ZNF823: variants seen among roughly 807,000 people sequenced by gnomAD.
ZNF823 encodes zinc finger protein 823.
ZNF823 carries 5 observed loss-of-function variants against 11.4 expected under a neutral mutation model. The ratio of observed to expected loss-of-function variants is 0.44; its 90% CI spans 0.23 to 0.92. ZNF823 has a LOEUF of 0.92. ZNF823 is among the 40% of genes least tolerant of loss of function. The probability of loss-of-function intolerance (pLI) is 0.24; values close to 1 mark genes in which losing one functional copy is unlikely to be tolerated. For missense variants in ZNF823, 582 were observed against 738.5 expected (o/e 0.79, Z 2.46); for synonymous variants, 234 against 250.5 (o/e 0.93, Z 0.62).
At chr19:11,728,921 C>T (rs1482485596) in intron 1 of ZNF823, among the ~76,000 whole-genome samples, 1 of 152,030 alleles carries the variant, frequency 6.6e-6, no homozygotes, top group Non-Finnish European at 1.5e-5. Context: ...GCCTGTAATC[C>T]CAGCATTTTG....
In ZNF823 at chr19:11,722,450, A is replaced by C. The variant is rs767571818; in HGVS notation, c.1084T>G (p.Cys362Gly). The C allele has an allele frequency of 6.2e-6, 10 of 1,614,200 alleles. No individual in the cohort carries two copies. Among genetic ancestry groups the C allele is most frequent in the Non-Finnish European group, 5.9e-6 (7 of 1,180,036 alleles). Residue 362 changes from cysteine to glycine, a missense_variant, in exon 4 of 4, where the codon TGT (cysteine) becomes GGT (glycine). Around this residue, in one of 3 missense-constraint regions of ZNF823, gnomAD observed 429 missense variants for 553.7 expected, o/e 0.77. Transcript: ENST00000341191. The surrounding 1 kb of genome is among the most constrained non-coding windows in gnomAD (Gnocchi z 5.2). Reference protein sequence around the residue: ...TTHTGEKPYECKQCGKVLSHS... With the variant: ...TTHTGEKPYEGKQCGKVLSHS... Reference sequence around the variant, plus strand: ...GATAACACTTTCCCACACTGCTTACATTCATAGGGTTTCTCTCCAGTGTGA... The same window carrying C: ...GATAACACTTTCCCACACTGCTTACCTTCATAGGGTTTCTCTCCAGTGTGA...
intron 1 of ZNF823, among the ~76,000 whole-genome samples, chr19:11,725,675 T>G (rs1360960666): frequency 6.6e-6 from 1 of 152,160 alleles, no homozygotes; most frequent in Non-Finnish European, 1.5e-5. Context: ...GAGTTACCAC[T>G]CCCAGTCCTG....
chr19:11,727,665 A>G (rs1974816237), intron 1 of ZNF823, among the ~76,000 whole-genome samples: 1 of 152,216 alleles, frequency 6.6e-6, no homozygotes. Flanking sequence ...ATAAACAAAC[A>G]GAAAAAGGAA....
chr19:11,732,630 T>C (rs1041056375), intron 1 of ZNF823, among the ~76,000 whole-genome samples: 10 of 151,218 alleles, frequency 6.6e-5, no homozygotes, highest in Non-Finnish European at 1.5e-4. Flanking sequence ...AGACGGGGTT[T>C]CACGGTGTTA....
At chr19:11,729,466 A>C (rs1201489431) in intron 1 of ZNF823, among the ~76,000 whole-genome samples, 1 of 152,216 alleles carries the variant, frequency 6.6e-6, no homozygotes, top group Non-Finnish European at 1.5e-5. Flanking sequence ...CAAAATACAT[A>C]AGGCAAAACT....
intron 1 of ZNF823, among the ~76,000 whole-genome samples, chr19:11,727,925 T>C (rs564177829): frequency 4.7e-4 from 70 of 147,564 alleles, no homozygotes; most frequent in African/African-American, 1.7e-3. Context: ...TCTCGCTCTG[T>C]AGCCCAGGCT....
chr19:11,727,307 G>A (rs1304883575), intron 1 of ZNF823, among the ~76,000 whole-genome samples: 1 of 151,952 alleles, frequency 6.6e-6, no homozygotes, highest in Non-Finnish European at 1.5e-5. Flanking sequence ...TCAGGAGATC[G>A]AGACCATCCT....
rs76004879 is a variant in ZNF823, at chr19:11,735,714, C to T, written c.3+3103G>A. ...CACCCCAGTCAAGGCTACTCACTTA[C>T]CCTTACATGCCTTACATGGGTATTT... On this transcript the variant is annotated intron_variant, in intron 1 of 3. Coordinates refer to ENST00000341191, the MANE Select transcript of ZNF823 (RefSeq NM_001080493.4). Among the ~76,000 whole-genome samples the T allele has an allele frequency of 6.6e-3, 1,000 of 152,086 alleles. 8 individuals are homozygous for T. Among genetic ancestry groups the T allele is most frequent in the African/African-American group, 0.023 (953 of 41,450 alleles).
At chr19:11,723,375 T>G (rs1342748541) in intron 3 of ZNF823, 33 bp from the exon 4 acceptor site, 3 of 1,498,124 alleles carry the variant, frequency 2.0e-6, no homozygotes, top group Non-Finnish European at 2.7e-6. Flanking sequence ...TACTAAAGGT[T>G]TGTTTATAAG....
At chr19:11,732,049 A>G (rs1033440731) in intron 1 of ZNF823, among the ~76,000 whole-genome samples, 1 of 151,954 alleles carries the variant, frequency 6.6e-6, no homozygotes, top group African/African-American at 2.4e-5. Flanking sequence ...ATAACTCATG[A>G]AACTCAGCAA....
intron 1 of ZNF823, among the ~76,000 whole-genome samples, chr19:11,738,320 C>G (rs1434319610): frequency 4.6e-5 from 7 of 152,212 alleles, no homozygotes; most frequent in African/African-American, 1.7e-4. Context: ...TCTTCACCTC[C>G]AGTCCCAGGA....
intron 1 of ZNF823, among the ~76,000 whole-genome samples, chr19:11,737,141 C>T (rs1975005087): frequency 6.6e-6 from 1 of 152,198 alleles, no homozygotes; most frequent in Admixed American, 6.5e-5. Context: ...AGGACCAGGA[C>T]ACCATAGAGG....
At position 11,721,846 on chromosome 19, in the gene ZNF823, G is replaced by T. The variant is rs1358652690; in HGVS notation, c.1688C>A (p.Ala563Asp). 2 of 1,613,926 alleles carry T rather than the reference G, an allele frequency of 1.2e-6. No homozygotes were observed. Among genetic ancestry groups the T allele is most frequent in the Admixed American group, 1.7e-5 (1 of 59,972 alleles). Residue 563 changes from alanine to aspartate, a missense_variant, in exon 4 of 4, where the codon GCC becomes GAC. Physicochemically the swap from Ala to Asp is moderately radical, Grantham distance 126 (BLOSUM62 -2). Transcript: ENST00000341191. ...TCGAAGGAAACGGGAACGAGTGAAGGCTTTACCACATTGTAGACATTCATA... is the reference window on the plus strand; with the variant it reads ...TCGAAGGAAACGGGAACGAGTGAAGTCTTTACCACATTGTAGACATTCATA... ...KPYECLQCGK[A>D]FTRSRFLRGH...
intron 1 of ZNF823, among the ~76,000 whole-genome samples, chr19:11,725,729 T>G (rs1974777665): frequency 6.6e-6 from 1 of 152,176 alleles, no homozygotes; most frequent in Non-Finnish European, 1.5e-5. Flanking sequence ...ACTTGGATCT[T>G]TCATGGTGTC....
Position 11,721,880 on chromosome 19 carries a change from C to G in ZNF823, c.1654G>C (p.Glu552Gln). ...LLRHERIHTG[E>Q]KPYECLQCGK... ...CATTGTAGACATTCATAGGGTTTCT[C>G]TCCAGTGTGAATTCTTTCATGTCGT... is the stretch of plus-strand genomic sequence containing the variant. Residue 552 changes from glutamate to glutamine, a missense_variant, in exon 4 of 4, where the codon GAG becomes CAG. Glu to Gln is a conservative substitution (Grantham distance 29, BLOSUM62 2). This residue lies in a region of ZNF823 where 144 missense variants were observed against 154.3 expected (regional missense o/e 0.93). Coordinates refer to ENST00000341191, the MANE Select transcript of ZNF823 (RefSeq NM_001080493.4). 1 of 1,613,984 alleles carries G rather than the reference C, an allele frequency of 6.2e-7. No homozygotes were observed. Among genetic ancestry groups the G allele is most frequent in the Non-Finnish European group, 8.5e-7 (1 of 1,180,008 alleles).
At position 11,723,309 on chromosome 19, in the gene ZNF823, T is replaced by C; in HGVS notation, c.225A>G (p.Gln75=). Residue 75 remains glutamine, a synonymous_variant, in exon 4 of 4, where the codon CAA becomes CAG. Coordinates refer to ENST00000341191, the MANE Select transcript of ZNF823 (RefSeq NM_001080493.4). ...SHTCEIKDDS[Q]CGETFGQIPD... The stretch of plus-strand genomic sequence containing the variant: ...GAATCTGGCCAAAAGTTTCTCCACA[T>C]TGACTGTCATCTTTAATTTCACATG... The C allele has an allele frequency of 6.2e-7, 1 of 1,612,564 alleles. No homozygotes were observed.
chr19:11,721,418 T>C lies in ZNF823; in HGVS notation c.*283A>G, dbSNP rs1974675147. On this transcript the variant is annotated 3_prime_UTR_variant, in exon 4 of 4. Transcript: ENST00000341191. Reference sequence around the variant, plus strand: ...ACAACTATTTACATAGCTTTTACAATGCATGAGGTATTAAAAGTCATCTAG... The same window carrying C: ...ACAACTATTTACATAGCTTTTACAACGCATGAGGTATTAAAAGTCATCTAG... 1 of 305,074 alleles carries C rather than the reference T, an allele frequency of 3.3e-6. No homozygotes were observed. The highest frequency in any genetic ancestry group is 6.0e-6 in the Non-Finnish European group (1 of 166,892). 18.9% of individuals were successfully genotyped at this position (305,074 alleles called of 1,614,324 possible). A position where few individuals can be genotyped will look rare whatever the true frequency, so the allele number is the denominator to read the frequency against.
At position 11,722,931 on chromosome 19, in the gene ZNF823, AAAGGCTTTCCCACAC is replaced by A. The variant is rs1181072784; in HGVS notation, c.588_602del (p.Leu196_Ala200del). 1 of 1,614,206 alleles carries A rather than the reference AAAGGCTTTCCCACAC, an allele frequency of 6.2e-7. No individual in the cohort carries two copies. Among genetic ancestry groups the A allele is most frequent in the Non-Finnish European group, 8.5e-7 (1 of 1,180,030 alleles). On this transcript the variant is annotated inframe_deletion, in exon 4 of 4. Transcript: ENST00000341191. The surrounding 1 kb of genome is among the most constrained non-coding windows in gnomAD (Gnocchi z 5.2). ...GCAAATGAAATAAACTGGGCCAAAC[AAAGGCTTTCCCACAC>A]AACTTACATTTATAAGGTCCATCTC...
chr19:11,735,476 T>C (rs1974977760), intron 1 of ZNF823, among the ~76,000 whole-genome samples: 1 of 152,124 alleles, frequency 6.6e-6, no homozygotes, highest in African/African-American at 2.4e-5. Context: ...AGACAGGGCA[T>C]CACACCACAT....
Sources: gnomAD v4.1 joint callset for allele counts (sites outside exome capture counted in the v4.1 genomes callset) on GRCh38, gnomAD v4.1.1 for gene constraint, gnomAD v4.1.1 regional missense constraint, Gnocchi (gnomAD v3.1) non-coding constraint, MANE v1.5 for transcripts, NCBI Gene and HGNC (gene_info 2026-07-23, HGNC 2026-07-21) for gene names.